Variants in SPAG17 observed in about 807,000 individuals in gnomAD.
SPAG17 encodes the protein sperm-associated antigen 17.
A neutral mutation model predicts 273.6 loss-of-function variants in SPAG17; 169 were observed. The observed-to-expected ratio is 0.62, with a 90% CI of 0.55 to 0.70. The LOEUF (loss-of-function observed/expected upper bound fraction) is 0.70, where lower values mean the gene tolerates loss of function less well. Ranked by LOEUF, SPAG17 falls within the 30% of genes least tolerant of loss-of-function variation. The probability of loss-of-function intolerance (pLI) is 0.00; values close to 1 mark genes in which losing one functional copy is unlikely to be tolerated. For missense variants in SPAG17, 2,557 were observed against 2,627.8 expected (o/e 0.97, Z 0.59); for synonymous variants, 825 against 873.2 (o/e 0.94, Z 0.97).
At chr1:117,985,273 G>A (rs1438234507) in intron 40 of SPAG17, among the ~76,000 whole-genome samples, 13 of 152,146 alleles carry the variant, frequency 8.5e-5, no homozygotes. Flanking sequence ...GGATAGTACT[G>A]CTTTCCAATA....
intron 37 of SPAG17, 42 bp from the exon 38 acceptor site, chr1:117,990,948 AC>A: frequency 8.5e-7 from 1 of 1,175,418 alleles, no homozygotes; most frequent in Non-Finnish European, 1.2e-6. Context: ...TATATTACTT[AC>A]AAGACTTACT....
intron 23 of SPAG17, 51 bp from the exon 24 acceptor site, chr1:118,036,934 A>G (rs1557939354): frequency 1.5e-6 from 2 of 1,303,852 alleles, no homozygotes; most frequent in Non-Finnish European, 2.2e-6. Flanking sequence ...CAAAATAAAT[A>G]TAACTAAGAC....
intron 4 of SPAG17, among the ~76,000 whole-genome samples, chr1:118,111,553 AACACACAC>A (rs61266210): frequency 6.6e-5 from 9 of 135,856 alleles, no homozygotes; most frequent in African/African-American, 1.1e-4. Flanking sequence ...CTTTTAAAAC[AACACACAC>A]ACACACACAC....
intron 28 of SPAG17, among the ~76,000 whole-genome samples, chr1:118,022,264 C>T (rs1360462747): frequency 2.6e-5 from 4 of 152,044 alleles, no homozygotes; most frequent in Non-Finnish European, 5.9e-5. Context: ...AAAATATATG[C>T]CTCACAGAGG....
In SPAG17 at chr1:118,031,675, T is replaced by G; in HGVS notation, c.3609+17A>C. The G allele has an allele frequency of 3.7e-6, 6 of 1,610,596 alleles. No homozygotes were observed. Among genetic ancestry groups the G allele is most frequent in the Non-Finnish European group, 5.1e-6 (6 of 1,178,670 alleles). On this transcript the variant is annotated intron_variant, in intron 25 of 48. Coordinates refer to ENST00000336338, the MANE Select transcript of SPAG17 (RefSeq NM_206996.4). ...AGCAGAAACAGAGTTTGGGAATCTA[T>G]GGCAAGGTTCATTTACCTTTTTCTC...
chr1:118,149,212 C>T (rs1210801496), intron 3 of SPAG17, among the ~76,000 whole-genome samples: 1 of 152,164 alleles, frequency 6.6e-6, no homozygotes, highest in Non-Finnish European at 1.5e-5. Context: ...GAAGAATATG[C>T]AACCAAGAGT....
intron 1 of SPAG17, among the ~76,000 whole-genome samples, chr1:118,181,086 A>C (rs1660917601): frequency 6.6e-6 from 1 of 152,042 alleles, no homozygotes; most frequent in Non-Finnish European, 1.5e-5. Flanking sequence ...TTATAATTTT[A>C]TGATATATGT....
At chr1:118,042,852 G>A (rs932220572) in intron 20 of SPAG17, among the ~76,000 whole-genome samples, 2 of 152,152 alleles carry the variant, frequency 1.3e-5, no homozygotes, top group African/African-American at 2.4e-5. Flanking sequence ...ACACTGTGGT[G>A]TGTACTTTCA....
intron 38 of SPAG17, among the ~76,000 whole-genome samples, chr1:117,989,571 ATTTCT>A (rs1467284660): frequency 1.3e-5 from 2 of 151,508 alleles, no homozygotes; most frequent in African/African-American, 2.4e-5. Context: ...TGGGGATCAA[ATTTCT>A]TTTCTTTTCT....
At chr1:118,058,059 T>C (rs556972666) in intron 18 of SPAG17, among the ~76,000 whole-genome samples, 52 of 152,120 alleles carry the variant, frequency 3.4e-4, no homozygotes, top group African/African-American at 1.2e-3. Context: ...TAAAATTAAA[T>C]GGTAAGAATA....
At chr1:118,029,423 ACCAACATCT>A (rs1260548664) in intron 25 of SPAG17, among the ~76,000 whole-genome samples, 1 of 152,158 alleles carries the variant, frequency 6.6e-6, no homozygotes, top group Non-Finnish European at 1.5e-5. Flanking sequence ...TGTGTGAGAG[ACCAACATCT>A]CCAACATATT....
At chr1:118,049,882 G>A (rs72631718) in intron 20 of SPAG17, among the ~76,000 whole-genome samples, 11,001 of 152,234 alleles carry the variant, frequency 0.072, 606 homozygotes, top group East Asian at 0.31. Context: ...TAAAATAATA[G>A]GTGGTCACAG....
At position 118,125,230 on chromosome 1, in the gene SPAG17, CAT is replaced by C. The variant is rs564502550; in HGVS notation, c.316-9791_316-9790del. ...AATTTGTATTATTTTTTATTGTATT[CAT>C]ATATATATATATATTTTTGACATAT... On this transcript the variant is annotated intron_variant, in intron 3 of 48. Coordinates refer to ENST00000336338, the MANE Select transcript of SPAG17 (RefSeq NM_206996.4). Among the ~76,000 whole-genome samples the C allele has an allele frequency of 2.6e-3, 366 of 141,234 alleles. 3 individuals are homozygous for C. The highest frequency in any genetic ancestry group is 9.5e-3 in the African/African-American group (319 of 33,686). 92.7% of individuals were successfully genotyped at this position (141,234 alleles called of 152,430 possible).
chr1:118,031,148 G>A (rs538751699), intron 25 of SPAG17, among the ~76,000 whole-genome samples: 91 of 146,660 alleles, frequency 6.2e-4, no homozygotes, highest in African/African-American at 2.2e-3. Context: ...TTACTATGAT[G>A]AAGGGCTAGG....
chr1:118,114,966 CCCAACTGT>C (rs1236485035), intron 4 of SPAG17, among the ~76,000 whole-genome samples: 1 of 152,156 alleles, frequency 6.6e-6, no homozygotes, highest in Non-Finnish European at 1.5e-5. Flanking sequence ...GAGGGTTCCC[CCCAACTGT>C]CCTTTTCATA....
chr1:118,174,548 G>A (rs1255115083), intron 1 of SPAG17, among the ~76,000 whole-genome samples: 3 of 152,148 alleles, frequency 2.0e-5, no homozygotes, highest in African/African-American at 7.2e-5. Flanking sequence ...GAGTGAAAGA[G>A]GTAGAGAGAT....
chr1:118,016,343 G>T (rs1003912827), intron 28 of SPAG17, among the ~76,000 whole-genome samples, 161 bp from the exon 29 acceptor site: 2 of 152,186 alleles, frequency 1.3e-5, no homozygotes, highest in Non-Finnish European at 2.9e-5. Flanking sequence ...ATAGGGAAAA[G>T]TATCAGGTTA....
At chr1:118,159,785 T>C (rs928191542) in intron 1 of SPAG17, among the ~76,000 whole-genome samples, 4 of 152,194 alleles carry the variant, frequency 2.6e-5, no homozygotes, top group Non-Finnish European at 5.9e-5. Flanking sequence ...CAGAGAGTTT[T>C]AAGACAGCTA....
chr1:118,127,773 C>T (rs931488964), intron 3 of SPAG17, among the ~76,000 whole-genome samples: 19 of 152,108 alleles, frequency 1.2e-4, no homozygotes, highest in African/African-American at 4.6e-4. Context: ...TTCTACAGTT[C>T]CTTTCACAGT....
Sources: gnomAD v4.1 joint callset for allele counts (sites outside exome capture counted in the v4.1 genomes callset) on GRCh38, gnomAD v4.1.1 for gene constraint, MANE v1.5 for transcripts, NCBI Gene and HGNC (gene_info 2026-07-23, HGNC 2026-07-21) for gene names.